Variants in AHRR observed in about 807,000 individuals in gnomAD.
AHRR encodes ahR repressor.
A neutral mutation model predicts 44.0 loss-of-function variants in AHRR; 28 were observed. The observed-to-expected ratio is 0.64, with a 90% CI of 0.47 to 0.87. The LOEUF (loss-of-function observed/expected upper bound fraction) is 0.87. Among genes scored for constraint, AHRR ranks in the 40% least tolerant of loss-of-function variants. The pLI is 0.00. For missense variants in AHRR, 990 were observed against 953.9 expected, an observed-to-expected ratio of 1.04 and a Z score of -0.50; for synonymous variants, 434 against 407.0, an observed-to-expected ratio of 1.07 and a Z score of -0.80.
chr5:435,870 G>C lies in AHRR; in HGVS notation c.*1036G>C, dbSNP rs1249960846. 6.5e-6 allele frequency: 1 copy of C among 152,754 alleles called. No homozygotes were observed. The highest frequency in any genetic ancestry group is 1.5e-5 in the Non-Finnish European group (1 of 68,052). 9.5% of individuals were successfully genotyped at this position (152,754 alleles called of 1,614,324 possible). On this transcript the variant is annotated 3_prime_UTR_variant, in exon 11 of 11. Transcript: ENST00000684583. ...TAAAGGCGATATTTTCTGAGAGTAG[G>C]AAATTTGGATACAAAAGCATAAGTC... is the stretch of plus-strand genomic sequence containing the variant.
At chr5:362,797 G>A (rs1743225892) in intron 3 of AHRR, among the ~76,000 whole-genome samples, 1 of 152,262 alleles carries the variant, frequency 6.6e-6, no homozygotes, top group African/African-American at 2.4e-5. Context: ...GAAGAGCAGG[G>A]GCTCATTCAC....
intron 2 of AHRR, among the ~76,000 whole-genome samples, chr5:345,329 T>TG (rs1214221824): frequency 5.6e-5 from 2 of 35,874 alleles, no homozygotes; most frequent in African/African-American, 2.9e-4. Context: ...TGTGTGTGTG[T>TG]GTGGGGATGT....
intron 7 of AHRR, among the ~76,000 whole-genome samples, chr5:427,248 A>G (rs146986283): frequency 1.3e-5 from 2 of 152,274 alleles, no homozygotes; most frequent in African/African-American, 4.8e-5. Context: ...TTGTAGAGAG[A>G]TATTTTATTT....
chr5:365,887 A>C (rs1322721572), intron 3 of AHRR, among the ~76,000 whole-genome samples: 1 of 152,236 alleles, frequency 6.6e-6, no homozygotes, highest in Non-Finnish European at 1.5e-5. Flanking sequence ...GAGAAAATCT[A>C]GGCTCAGATA....
Position 334,771 on chromosome 5 carries a change from T to C in AHRR, c.-10-9122T>C, listed in dbSNP as rs1287357786. 2.0e-5 allele frequency among the ~76,000 whole-genome samples: 3 copies of C among 152,222 alleles called. No individual in the cohort carries two copies. In the East Asian group the frequency reaches 5.8e-4, roughly 29 times the overall value. On this transcript the variant is annotated intron_variant, in intron 1 of 10. Coordinates refer to ENST00000684583, the MANE Select transcript of AHRR (RefSeq NM_001377236.1). ...TGTCATATTACCCTGCTTTTTCATGTTTCTTGTGTCTTTATGTTGCTTTCT... is the reference window on the plus strand; with the variant it reads ...TGTCATATTACCCTGCTTTTTCATGCTTCTTGTGTCTTTATGTTGCTTTCT...
Position 427,791 on chromosome 5 carries a change from G to C in AHRR, c.709-16G>C. The C allele has an allele frequency of 5.0e-6, 8 of 1,613,714 alleles. No homozygotes were observed. Among genetic ancestry groups the C allele is most frequent in the Non-Finnish European group, 5.9e-6 (7 of 1,179,628 alleles). On this transcript the variant is annotated splice_polypyrimidine_tract_variant and intron_variant, in intron 7 of 10. Coordinates refer to ENST00000684583, the MANE Select transcript of AHRR (RefSeq NM_001377236.1). ...ACTTGGTGAACACGCCTTCCTCTCT[G>C]TCTTTAAAACACCAGACGATGCAGT...
chr5:398,345 G>A (rs1160335758), intron 4 of AHRR, among the ~76,000 whole-genome samples: 2 of 150,710 alleles, frequency 1.3e-5, no homozygotes, highest in East Asian at 2.0e-4. Flanking sequence ...AGCCCCAACC[G>A]TACACCTTAG....
At chr5:330,629 C>G (rs1346601819) in intron 1 of AHRR, among the ~76,000 whole-genome samples, 2 of 152,176 alleles carry the variant, frequency 1.3e-5, no homozygotes, top group Non-Finnish European at 2.9e-5. Flanking sequence ...CTGCCTTGGC[C>G]TCCCAAAGTG....
intron 1 of AHRR, among the ~76,000 whole-genome samples, chr5:330,970 G>A (rs1324316967): frequency 3.4e-5 from 5 of 145,080 alleles, no homozygotes; most frequent in African/African-American, 1.1e-4. Context: ...GTCTCCTCCC[G>A]GGTTCATGCC....
chr5:408,795 T>C (rs1356456905), intron 4 of AHRR, among the ~76,000 whole-genome samples: 1 of 152,234 alleles, frequency 6.6e-6, no homozygotes, highest in East Asian at 1.9e-4. Context: ...GAATTCCATG[T>C]TAAAGCCGTC....
rs1734058460 is a variant in AHRR, at chr5:383,372, T to C, written c.351+6656T>C. ...GTACAATTGTGGATTTTTATATTTCTCTTTTTGGTCCTTTCAGATTTTGCA... is the reference window on the plus strand; with the variant it reads ...GTACAATTGTGGATTTTTATATTTCCCTTTTTGGTCCTTTCAGATTTTGCA... On this transcript the variant is annotated intron_variant, in intron 4 of 10. Coordinates refer to ENST00000684583, the MANE Select transcript of AHRR (RefSeq NM_001377236.1). The surrounding 1 kb of genome is among the most constrained non-coding windows in gnomAD (Gnocchi z 4.0). Among the ~76,000 whole-genome samples, 2 of 152,212 alleles carry C rather than the reference T, an allele frequency of 1.3e-5. No individual in the cohort carries two copies. Among genetic ancestry groups the C allele is most frequent in the Admixed American group, 6.5e-5 (1 of 15,286 alleles).
intron 5 of AHRR, among the ~76,000 whole-genome samples, chr5:413,661 T>C (rs991797752): frequency 6.6e-6 from 1 of 152,114 alleles, no homozygotes; most frequent in Non-Finnish European, 1.5e-5. Flanking sequence ...GGTGTTCTGG[T>C]CTAAGGCAGC....
intron 1 of AHRR, among the ~76,000 whole-genome samples, chr5:325,818 T>C (rs996663317): frequency 6.6e-6 from 1 of 152,202 alleles, no homozygotes; most frequent in Non-Finnish European, 1.5e-5. Context: ...GTCCAGCTCT[T>C]GTTGCCCAGG....
In AHRR at chr5:423,914, C is replaced by T; in HGVS notation, c.645C>T (p.Ala215=). 6.2e-7 allele frequency: 1 copy of T among 1,603,752 alleles called. No individual in the cohort carries two copies. Among genetic ancestry groups the T allele is most frequent in the Non-Finnish European group, 8.5e-7 (1 of 1,179,934 alleles). The change falls in exon 7 of 11, where the codon GCC becomes GCT. Residue 215 remains alanine, a synonymous_variant. Coordinates refer to ENST00000684583, the MANE Select transcript of AHRR (RefSeq NM_001377236.1). ...WGTGTPTEYS[A]FLTRCFICRV... ...CAGGCACGCCCACCGAGTACTCGGCCTTCCTGACCCGCTGCTTCATCTGCC... is the reference window on the plus strand; with the variant it reads ...CAGGCACGCCCACCGAGTACTCGGCTTTCCTGACCCGCTGCTTCATCTGCC...
chr5:345,630 C>G (rs1411638377), intron 2 of AHRR, among the ~76,000 whole-genome samples: 2 of 151,522 alleles, frequency 1.3e-5, no homozygotes, highest in South Asian at 4.2e-4. Context: ...CGGATGATGT[C>G]CCCCGCTGCA....
chr5:330,869 A>ATTTTTT (rs34221385), intron 1 of AHRR, among the ~76,000 whole-genome samples: 2 of 97,494 alleles, frequency 2.1e-5, no homozygotes, highest in African/African-American at 8.7e-5. Context: ...ATAATTCAGC[A>ATTTTTT]TTTTTTTTTT....
rs768196917 is a variant in AHRR, at chr5:376,653, C to T, written c.288C>T (p.Pro96=). ...CACGGCAGCCTGCGGCCGGCGCCCC[C>T]TCGCCCGGAGACAGCTGTCCTCTTG... The part of the protein sequence containing the change: ...QSSRQPAAGA[P]SPGDSCPLAG... Residue 96 remains proline, a synonymous_variant, in exon 4 of 11, where the codon CCC becomes CCT. Coordinates refer to ENST00000684583, the MANE Select transcript of AHRR (RefSeq NM_001377236.1). The T allele has an allele frequency of 3.2e-6, 4 of 1,258,090 alleles. No individual in the cohort carries two copies. Among genetic ancestry groups the T allele is most frequent in the Non-Finnish European group, 3.1e-6 (3 of 962,202 alleles). The allele number at this position is 1,258,090 out of a possible 1,614,324, so 77.9% of individuals were successfully genotyped here. A position where few individuals can be genotyped will look rare whatever the true frequency, so the allele number is the denominator to read the frequency against.
chr5:429,871 C>T (rs151237581), intron 8 of AHRR, among the ~76,000 whole-genome samples: 25 of 152,338 alleles, frequency 1.6e-4, no homozygotes, highest in Non-Finnish European at 2.8e-4. Context: ...CGTGGTGTGA[C>T]TCGAATCTCA....
rs963551867 is a variant in AHRR, at chr5:326,622, T to G, written c.-11+4803T>G. ...ACCTAGGAGTGGAGTTACTGGATCATATAGTGATTCTGTGTTTAACTTTTT... is the reference window on the plus strand; with the variant it reads ...ACCTAGGAGTGGAGTTACTGGATCAGATAGTGATTCTGTGTTTAACTTTTT... On this transcript the variant is annotated intron_variant, in intron 1 of 10. Coordinates refer to ENST00000684583, the MANE Select transcript of AHRR (RefSeq NM_001377236.1). The surrounding 1 kb of genome is among the most constrained non-coding windows in gnomAD (Gnocchi z 4.1). 5.9e-5 allele frequency among the ~76,000 whole-genome samples: 9 copies of G among 152,294 alleles called. No individual in the cohort carries two copies. Among genetic ancestry groups the G allele is most frequent in the African/African-American group, 2.2e-4 (9 of 41,552 alleles).
Sources: gnomAD v4.1 joint callset for allele counts (sites outside exome capture counted in the v4.1 genomes callset) on GRCh38, gnomAD v4.1.1 for gene constraint, Gnocchi (gnomAD v3.1) non-coding constraint, MANE v1.5 for transcripts, NCBI Gene and HGNC (gene_info 2026-07-23, HGNC 2026-07-21) for gene names.